UCK2: variants seen among roughly 807,000 people sequenced by gnomAD.
The protein encoded by UCK2 is uridine-cytidine kinase 2.
In UCK2, 6 loss-of-function variants were observed where a neutral mutation model predicts 30.8. The observed-to-expected ratio is 0.19, with a 90% CI of 0.11 to 0.38. The LOEUF is 0.38. Among genes scored for constraint, UCK2 ranks in the 10% least tolerant of loss-of-function variants. The pLI is 1.00. For missense variants in UCK2, 210 were observed against 339.8 expected (o/e 0.62, Z 3.00); for synonymous variants, 125 against 133.6 (o/e 0.94, Z 0.45).
intron 4 of UCK2, chr1:165,900,102 G>C (rs1647404548): frequency 6.6e-6 from 1 of 152,222 alleles, no homozygotes; most frequent in South Asian, 2.1e-4. Flanking sequence ...TGCCTTTCCA[G>C]CTGCCCTGCG....
At chr1:165,852,098 C>T (rs993289179) in intron 1 of UCK2, among the ~76,000 whole-genome samples, 8 of 152,100 alleles carry the variant, frequency 5.3e-5, no homozygotes, top group Non-Finnish European at 1.2e-4. Flanking sequence ...GGTGCATACA[C>T]GGTAATGGGA....
chr1:165,885,325 C>T, intron 1 of UCK2: 1 of 398,468 alleles, frequency 2.5e-6, no homozygotes, highest in Non-Finnish European at 4.4e-6. Flanking sequence ...AAAAAGAAGA[C>T]AAAGTAATAC....
chr1:165,827,621 G>A lies in UCK2; in HGVS notation c.-213G>A, dbSNP rs1009608495. The A allele has an allele frequency of 1.6e-5, 6 of 380,370 alleles. No individual in the cohort carries two copies. Among genetic ancestry groups the A allele is most frequent in the Non-Finnish European group, 2.3e-5 (5 of 216,342 alleles). 23.6% of individuals were successfully genotyped at this position (380,370 alleles called of 1,614,324 possible). Reference sequence around the variant, plus strand: ...CTGACCTCTGCCTGGGATGTAAACCGGACCAGCCGCTGCGGGCAAAGGAAG... The same window carrying A: ...CTGACCTCTGCCTGGGATGTAAACCAGACCAGCCGCTGCGGGCAAAGGAAG... On this transcript the variant is annotated 5_prime_UTR_variant, in exon 1 of 7. Coordinates refer to ENST00000367879, the MANE Select transcript of UCK2 (RefSeq NM_012474.5).
Position 165,891,286 on chromosome 1 carries a change from T to G in UCK2, c.320T>G (p.Val107Gly), listed in dbSNP as rs780949828. The change falls in exon 3 of 7, where the codon GTC (valine) becomes GGC (glycine). Residue 107 changes from valine to glycine, a missense_variant. Around this residue, in one of 4 missense-constraint regions of UCK2, gnomAD observed 75 missense variants for 124.7 expected, o/e 0.60. Transcript: ENST00000367879. ...AAAGAAATCACTGAAGGGAAAACAG[T>G]CCAGATCCCCGTGTATGACTTTGTC... ...TLKEITEGKTVQIPVYDFVSH... is the reference protein window; with the variant it reads ...TLKEITEGKTGQIPVYDFVSH... The G allele has an allele frequency of 6.2e-7, 1 of 1,614,204 alleles. No homozygotes were observed. Among genetic ancestry groups the G allele is most frequent in the Admixed American group, 1.7e-5 (1 of 60,028 alleles).
At position 165,853,520 on chromosome 1, in the gene UCK2, C is replaced by CT. The variant is rs769678523; in HGVS notation, c.99+25601dup. On this transcript the variant is annotated intron_variant, in intron 1 of 6. Transcript: ENST00000367879. ...CCAACCAGGTGTTTGCAGAAAGGAT[C>CT]TTTTTTTTTTTTTCCGGAAAGGATC... Among the ~76,000 whole-genome samples, 1,125 of 142,872 alleles carry CT rather than the reference C, an allele frequency of 7.9e-3. 7 individuals carry two copies. Among genetic ancestry groups the CT allele is most frequent in the African/African-American group, 0.023 (903 of 39,254 alleles). 93.7% of individuals were successfully genotyped at this position (142,872 alleles called of 152,430 possible).
intron 1 of UCK2, among the ~76,000 whole-genome samples, chr1:165,854,957 C>G (rs866349191): frequency 6.6e-6 from 1 of 152,074 alleles, no homozygotes; most frequent in South Asian, 2.1e-4. Context: ...AATTCCCATA[C>G]GAAGGTATAA....
At position 165,891,337 on chromosome 1, in the gene UCK2, C is replaced by T; in HGVS notation, c.356+15C>T. 6.2e-7 allele frequency: 1 copy of T among 1,612,014 alleles called. No individual in the cohort carries two copies. The highest frequency in any genetic ancestry group is 8.5e-7 in the Non-Finnish European group (1 of 1,178,052). On this transcript the variant is annotated intron_variant, in intron 3 of 6. Transcript: ENST00000367879. ...TCCCATTCCCGGTAAGTGAGCTGTTCTGGGCCAGGGATGGCACCCACTGCT... is the reference window on the plus strand; with the variant it reads ...TCCCATTCCCGGTAAGTGAGCTGTTTTGGGCCAGGGATGGCACCCACTGCT...
intron 1 of UCK2, among the ~76,000 whole-genome samples, chr1:165,846,188 G>A (rs1201432989): frequency 6.6e-6 from 1 of 152,160 alleles, no homozygotes; most frequent in East Asian, 1.9e-4. Flanking sequence ...GGCCTAGCTA[G>A]CTACTCTAGA....
In UCK2 at chr1:165,910,430, C is replaced by T. The variant is rs1332217261; in HGVS notation, c.*2607C>T. On this transcript the variant is annotated 3_prime_UTR_variant, in exon 7 of 7. Coordinates refer to ENST00000367879, the MANE Select transcript of UCK2 (RefSeq NM_012474.5). ...TGTTGGTTGTATGTGCATAGAAGTC[C>T]CCTGGCTCCAGAGCCATCCAGTGGT... 4.0e-5 allele frequency: 6 copies of T among 150,340 alleles called. No individual in the cohort carries two copies. Among genetic ancestry groups the T allele is most frequent in the African/African-American group, 7.6e-5 (3 of 39,582 alleles). 9.3% of individuals were successfully genotyped at this position (150,340 alleles called of 1,614,324 possible).
In UCK2 at chr1:165,841,824, G is replaced by A. The variant is rs75671082; in HGVS notation, c.99+13892G>A. ...GTAGCAGTCATTCTCTTGTGTCATGGTTAGCTGTTTACACCTCTAGATTCC... is the reference window on the plus strand; with the variant it reads ...GTAGCAGTCATTCTCTTGTGTCATGATTAGCTGTTTACACCTCTAGATTCC... On this transcript the variant is annotated intron_variant, in intron 1 of 6. Coordinates refer to ENST00000367879, the MANE Select transcript of UCK2 (RefSeq NM_012474.5). 2.0e-3 allele frequency among the ~76,000 whole-genome samples: 311 copies of A among 152,260 alleles called. 1 individual carries two copies. Among genetic ancestry groups the A allele is most frequent in the African/African-American group, 7.2e-3 (299 of 41,544 alleles).
At position 165,827,761 on chromosome 1, in the gene UCK2, G is replaced by T; in HGVS notation, c.-73G>T. The T allele has an allele frequency of 8.0e-7, 1 of 1,247,596 alleles. No homozygotes were observed. The highest frequency in any genetic ancestry group is 1.6e-5 in the African/African-American group (1 of 64,244). The allele number at this position is 1,247,596 out of a possible 1,614,324, so 77.3% of individuals were successfully genotyped here. A position where few individuals can be genotyped will look rare whatever the true frequency, so the allele number is the denominator to read the frequency against. On this transcript the variant is annotated 5_prime_UTR_variant, in exon 1 of 7. Transcript: ENST00000367879. Reference sequence around the variant, plus strand: ...CAGCGGCGGCTGCGGAAAGCGGAGGGAGTCCGACGCGGGCGCGGGCGGGGA... The same window carrying T: ...CAGCGGCGGCTGCGGAAAGCGGAGGTAGTCCGACGCGGGCGCGGGCGGGGA...
intron 4 of UCK2, among the ~76,000 whole-genome samples, chr1:165,899,397 A>T (rs1464254512): frequency 6.6e-6 from 1 of 152,164 alleles, no homozygotes; most frequent in Non-Finnish European, 1.5e-5. Context: ...TCTGGTTCTC[A>T]TAGAATTAGG....
intron 1 of UCK2, among the ~76,000 whole-genome samples, chr1:165,860,131 C>T (rs1557838074): frequency 6.6e-6 from 1 of 152,234 alleles, no homozygotes; most frequent in Non-Finnish European, 1.5e-5. Flanking sequence ...CACGCAGTTG[C>T]ACTGCGGGGC....
intron 1 of UCK2, among the ~76,000 whole-genome samples, chr1:165,854,577 C>A (rs1176527739): frequency 6.6e-6 from 1 of 150,584 alleles, no homozygotes; most frequent in Non-Finnish European, 1.5e-5. Context: ...CTGTACATTG[C>A]TAACTAGGCT....
chr1:165,835,361 T>A (rs1654162709), intron 1 of UCK2, among the ~76,000 whole-genome samples: 1 of 144,976 alleles, frequency 6.9e-6, no homozygotes, highest in Non-Finnish European at 1.5e-5. Context: ...TAAAATTAGT[T>A]ATTATTATTA....
intron 1 of UCK2, among the ~76,000 whole-genome samples, chr1:165,864,918 C>T (rs1298977697): frequency 6.6e-6 from 1 of 152,084 alleles, no homozygotes; most frequent in Non-Finnish European, 1.5e-5. Context: ...GAACTCCTGG[C>T]CTCAATTGAG....
chr1:165,852,812 G>A (rs1654630358), intron 1 of UCK2, among the ~76,000 whole-genome samples: 2 of 150,518 alleles, frequency 1.3e-5, no homozygotes, highest in African/African-American at 4.8e-5. Flanking sequence ...GGGTGGGTAT[G>A]TGGACAAACG....
At chr1:165,889,682 G>A (rs1016680953) in intron 1 of UCK2, among the ~76,000 whole-genome samples, 10 of 137,716 alleles carry the variant, frequency 7.3e-5, no homozygotes, top group African/African-American at 8.3e-5. Flanking sequence ...ACTCTTCTCC[G>A]TTAGCCTTTT....
chr1:165,849,100 G>A (rs1159181206), intron 1 of UCK2, among the ~76,000 whole-genome samples: 1 of 152,100 alleles, frequency 6.6e-6, no homozygotes, highest in African/African-American at 2.4e-5. Flanking sequence ...AAAAAATATA[G>A]TAGGGAAGAG....
Sources: allele counts gnomAD v4.1 joint callset (sites outside exome capture counted in the v4.1 genomes callset), GRCh38; gene constraint gnomAD v4.1.1; regional missense constraint gnomAD v4.1.1; transcripts MANE v1.5; gene names NCBI Gene and HGNC (gene_info 2026-07-23, HGNC 2026-07-21).